Variants in GRM7 observed in about 807,000 individuals in gnomAD.
The protein encoded by GRM7 is metabotropic glutamate receptor 7.
GRM7 carries 35 observed loss-of-function variants against 84.5 expected under a neutral mutation model. That is an observed-to-expected ratio of 0.41 (90% CI 0.32 to 0.55). GRM7 has a LOEUF of 0.55. GRM7 is among the 20% of genes least tolerant of loss of function. The pLI, the probability that GRM7 is intolerant of heterozygous loss-of-function variation, is 0.19. For missense variants in GRM7, 1,003 were observed against 1,194.6 expected (o/e 0.84, Z 2.36); for synonymous variants, 487 against 455.1 (o/e 1.07, Z -0.89).
intron 1 of GRM7, among the ~76,000 whole-genome samples, chr3:6,919,388 A>ATTG (rs1697046705): frequency 7.8e-5 from 10 of 128,376 alleles, no homozygotes; most frequent in African/African-American, 1.3e-4. Flanking sequence ...TTTTTTTTTA[A>ATTG]TAGAGATGGG....
intron 1 of GRM7, among the ~76,000 whole-genome samples, chr3:7,011,875 AG>A (rs1211027641): frequency 1.3e-5 from 2 of 152,210 alleles, no homozygotes; most frequent in Non-Finnish European, 2.9e-5. Context: ...CTCCTACAAA[AG>A]CCTTAGGAAA....
Position 7,680,069 on chromosome 3 carries a change from G to A in GRM7, c.2472G>A (p.Thr824=), listed in dbSNP as rs764120169. 4.0e-5 allele frequency: 65 copies of A among 1,613,816 alleles called. No homozygotes were observed. The Admixed American group carries it at 9.0e-4, about 22-fold the overall frequency. ...CCTAGCTCTACATACAAACTACCACGCTTACAATCTCCATGAACCTAAGTG... is the reference window on the plus strand; with the variant it reads ...CCTAGCTCTACATACAAACTACCACACTTACAATCTCCATGAACCTAAGTG... ...SAEKLYIQTT[T]LTISMNLSAS... The change falls in exon 9 of 10, where the codon ACG becomes ACA. Residue 824 remains threonine (T), a synonymous_variant. Coordinates refer to ENST00000357716, the MANE Select transcript of GRM7 (RefSeq NM_000844.4).
At chr3:7,229,323 CAT>C (rs1367470756) in intron 2 of GRM7, among the ~76,000 whole-genome samples, 3 of 152,162 alleles carry the variant, frequency 2.0e-5, no homozygotes, top group South Asian at 2.1e-4. Flanking sequence ...ATTATTTCCA[CAT>C]GTTAATTAAT....
chr3:7,299,413 C>T (rs1038085109), intron 3 of GRM7, among the ~76,000 whole-genome samples: 98 of 152,270 alleles, frequency 6.4e-4, no homozygotes, highest in African/African-American at 2.2e-3. Flanking sequence ...TTTCTGATCA[C>T]TACCAACCTG....
intron 8 of GRM7, among the ~76,000 whole-genome samples, chr3:7,622,751 A>G (rs940000839): frequency 6.6e-5 from 10 of 152,120 alleles, no homozygotes; most frequent in Non-Finnish European, 1.5e-5. Context: ...GAAGCCCACA[A>G]GTCAGCCAGT....
chr3:7,029,939 G>GT (rs1168204211), intron 1 of GRM7, among the ~76,000 whole-genome samples: 10 of 152,042 alleles, frequency 6.6e-5, no homozygotes, highest in African/African-American at 2.4e-5. Flanking sequence ...CCACTTCTAG[G>GT]TTTTTATCCT....
intron 2 of GRM7, among the ~76,000 whole-genome samples, chr3:7,169,729 A>G (rs1282115259): frequency 2.0e-5 from 3 of 152,156 alleles, no homozygotes; most frequent in Non-Finnish European, 2.9e-5. Context: ...ATTTTGATAA[A>G]CAGGAGACAT....
intron 2 of GRM7, among the ~76,000 whole-genome samples, chr3:7,269,454 C>CA (rs1698773464): frequency 6.9e-6 from 1 of 144,810 alleles, no homozygotes; most frequent in African/African-American, 2.5e-5. Context: ...ACCCCCCCCC[C>CA]AGAGAGCATG....
At chr3:7,325,441 A>G (rs952427001) in intron 4 of GRM7, among the ~76,000 whole-genome samples, 2 of 152,166 alleles carry the variant, frequency 1.3e-5, no homozygotes, top group Non-Finnish European at 1.5e-5. Context: ...CTGATTTGGT[A>G]TGTCTGGAGT....
chr3:7,023,080 G>A (rs1695839152), intron 1 of GRM7, among the ~76,000 whole-genome samples: 1 of 152,026 alleles, frequency 6.6e-6, no homozygotes, highest in South Asian at 2.1e-4. Context: ...AAGGCGAATG[G>A]TGGAGTCGCA....
chr3:7,299,922 A>G (rs1575137714), intron 3 of GRM7, among the ~76,000 whole-genome samples: 1 of 152,162 alleles, frequency 6.6e-6, no homozygotes, highest in South Asian at 2.1e-4. Flanking sequence ...ACAAGTGTTA[A>G]TCTACAATGT....
intron 2 of GRM7, among the ~76,000 whole-genome samples, chr3:7,219,990 CAAA>C (rs1044197360): frequency 6.6e-6 from 1 of 151,822 alleles, no homozygotes; most frequent in Non-Finnish European, 1.5e-5. Flanking sequence ...CTGATCTAAA[CAAA>C]AAAATAAATA....
chr3:7,688,856 G>A (rs1395775936), intron 9 of GRM7, among the ~76,000 whole-genome samples: 2 of 152,182 alleles, frequency 1.3e-5, no homozygotes, highest in Non-Finnish European at 2.9e-5. Context: ...TTCAAATTCA[G>A]ATGGAACATA....
chr3:7,649,821 G>GAA (rs58013545), intron 8 of GRM7, among the ~76,000 whole-genome samples: 3,472 of 149,214 alleles, frequency 0.023, 139 homozygotes, highest in African/African-American at 0.077. Flanking sequence ...GCTGGCAAAA[G>GAA]AAAAAAAAAA....
chr3:7,735,558 A>G (rs1559512699), intron 9 of GRM7, among the ~76,000 whole-genome samples: 1 of 152,216 alleles, frequency 6.6e-6, no homozygotes, highest in Non-Finnish European at 1.5e-5. Context: ...AGCCCAACAC[A>G]TAATACATGC....
chr3:7,684,513 T>A (rs890474016), intron 9 of GRM7, among the ~76,000 whole-genome samples: 2 of 152,222 alleles, frequency 1.3e-5, no homozygotes, highest in East Asian at 3.8e-4. Flanking sequence ...CAGTTTGCCA[T>A]CTGGTGCATG....
At chr3:7,162,226 G>T (rs1694648182) in intron 2 of GRM7, among the ~76,000 whole-genome samples, 1 of 152,108 alleles carries the variant, frequency 6.6e-6, no homozygotes, top group Non-Finnish European at 1.5e-5. Context: ...ACCTAAATTT[G>T]AGATCTGTGA....
chr3:7,084,117 C>T (rs1698362863), intron 1 of GRM7, among the ~76,000 whole-genome samples: 3 of 152,228 alleles, frequency 2.0e-5, no homozygotes, highest in African/African-American at 7.2e-5. Flanking sequence ...CAAAGTTTAA[C>T]TTCGATTTAA....
chr3:7,134,000 A>G (rs1001892554), intron 1 of GRM7, among the ~76,000 whole-genome samples: 2 of 152,164 alleles, frequency 1.3e-5, no homozygotes, highest in Non-Finnish European at 2.9e-5. Context: ...GCCTCGTTAC[A>G]TACTACACAC....
Sources: gnomAD v4.1 joint callset for allele counts (sites outside exome capture counted in the v4.1 genomes callset) on GRCh38, gnomAD v4.1.1 for gene constraint, MANE v1.5 for transcripts, NCBI Gene and HGNC (gene_info 2026-07-23, HGNC 2026-07-21) for gene names.